Variants in COG3 observed in about 807,000 individuals in gnomAD.
COG3 encodes conserved oligomeric Golgi complex subunit 3.
A neutral mutation model predicts 114.1 loss-of-function variants in COG3; 32 were observed. The ratio of observed to expected loss-of-function variants is 0.28; its 90% confidence interval spans 0.21 to 0.38. The LOEUF is 0.38. COG3 is among the 10% of genes least tolerant of loss of function. The probability of loss-of-function intolerance (pLI) is 1.00; values close to 1 mark genes in which losing one functional copy is unlikely to be tolerated. For synonymous variants in COG3, 352 were observed against 365.7 expected, an observed-to-expected ratio of 0.96 and a Z score of 0.43; for missense variants, 813 against 973.2, an observed-to-expected ratio of 0.84 and a Z score of 2.19.
intron 19 of COG3, among the ~76,000 whole-genome samples, chr13:45,522,119 A>G (rs1397877358): frequency 1.3e-5 from 2 of 152,154 alleles, no homozygotes; most frequent in Non-Finnish European, 2.9e-5. Flanking sequence ...TTAGCATTTT[A>G]TAATGCTTGT....
chr13:45,496,743 G>A (rs922475794), intron 13 of COG3, among the ~76,000 whole-genome samples: 3 of 150,834 alleles, frequency 2.0e-5, no homozygotes, highest in East Asian at 3.9e-4. Flanking sequence ...GTGTGATCTC[G>A]GCTCACTGCA....
Position 45,476,338 on chromosome 13 carries a change from C to T in COG3, c.312C>T (p.Thr104=), listed in dbSNP as rs747823023. 1.2e-5 allele frequency: 20 copies of T among 1,612,136 alleles called. No homozygotes were observed. Among genetic ancestry groups the T allele is most frequent in the African/African-American group, 8.0e-5 (6 of 74,864 alleles). ...SLGMEEERIE[T]AQQFFSWFAK... ...GAATGGAAGAAGAAAGAATTGAAACCGCACAGCAGGTGAATTGCAGTATCT... is the reference window on the plus strand; with the variant it reads ...GAATGGAAGAAGAAAGAATTGAAACTGCACAGCAGGTGAATTGCAGTATCT... The change falls in exon 2 of 23, where the codon ACC becomes ACT. Residue 104 remains threonine (T), a synonymous_variant. Coordinates refer to ENST00000349995, the MANE Select transcript of COG3 (RefSeq NM_031431.4).
intron 4 of COG3, 122 bp downstream of exon 4, chr13:45,480,412 T>G: frequency 1.5e-6 from 1 of 665,430 alleles, no homozygotes; most frequent in Non-Finnish European, 2.4e-6. Flanking sequence ...TTTGAGGCCC[T>G]GTGCTCAGCA....
intron 1 of COG3, among the ~76,000 whole-genome samples, chr13:45,472,975 T>G (rs1885617378): frequency 6.6e-6 from 1 of 152,142 alleles, no homozygotes; most frequent in Non-Finnish European, 1.5e-5. Flanking sequence ...GTTCATGCCA[T>G]TCTCCTGCCT....
rs1873459451 is a variant in COG3, at chr13:45,535,024, G to T, written c.*293G>T. 3 of 1,166,298 alleles carry T rather than the reference G, an allele frequency of 2.6e-6. No individual in the cohort carries two copies. Among genetic ancestry groups the T allele is most frequent in the Middle Eastern group, 6.9e-4 (2 of 2,900 alleles). The allele number at this position is 1,166,298 out of a possible 1,614,324, so 72.2% of individuals were successfully genotyped here. On this transcript the variant is annotated 3_prime_UTR_variant, in exon 23 of 23. Transcript: ENST00000349995. ...GCTAGGGCAGACATGCAGTGAAATG[G>T]TTCTTTGTTAAAAATGTGCAATAAA... is the stretch of plus-strand genomic sequence containing the variant.
rs1431334636 is a variant in COG3 at position 45,509,770 on chromosome 13, T to C, written c.1673T>C (p.Val558Ala). 1.2e-6 allele frequency: 2 copies of C among 1,613,958 alleles called. No individual in the cohort carries two copies. Among genetic ancestry groups the C allele is most frequent in the Admixed American group, 1.7e-5 (1 of 60,026 alleles). ...ADLHGMWYPTVRRTLVCLSKL... is the reference protein window; with the variant it reads ...ADLHGMWYPTARRTLVCLSKL... ...CTTCATGGAATGTGGTATCCTACGG[T>C]TCGAAGAACTCTTGTCTGTCTCTCC... The change falls in exon 15 of 23, where the codon GTT becomes GCT. Residue 558 changes from valine (V) to alanine (A), a missense_variant. Coordinates refer to ENST00000349995, the MANE Select transcript of COG3 (RefSeq NM_031431.4).
chr13:45,494,247 C>T (rs983793370), intron 12 of COG3, among the ~76,000 whole-genome samples: 9 of 151,488 alleles, frequency 5.9e-5, no homozygotes, highest in Non-Finnish European at 1.0e-4. Flanking sequence ...ATTGCTGGAA[C>T]CTGGGAGGGG....
Position 45,511,305 on chromosome 13 carries a change from G to A in COG3, c.1720-460G>A, listed in dbSNP as rs74070424. 4.6e-3 allele frequency among the ~76,000 whole-genome samples: 700 copies of A among 152,156 alleles called. 7 individuals are homozygous for A. Among genetic ancestry groups the A allele is most frequent in the African/African-American group, 0.016 (661 of 41,486 alleles). ...AACATTTATGTTATTTCCAGTTTAT[G>A]GCTGTTCTAAATAATACTGTAATGA... On this transcript the variant is annotated intron_variant, in intron 15 of 22. Transcript: ENST00000349995.
In COG3 at chr13:45,465,227, G is replaced by A. The variant is rs1274617961; in HGVS notation, c.174+17G>A. 6.2e-7 allele frequency: 1 copy of A among 1,611,548 alleles called. No individual in the cohort carries two copies. The highest frequency in any genetic ancestry group is 1.1e-5 in the South Asian group (1 of 90,974). ...CCAGCTGAGGTGAGGTGATGGGCAGGAACCGGGCCGGGGCGATGGGGCTGG... is the reference window on the plus strand; with the variant it reads ...CCAGCTGAGGTGAGGTGATGGGCAGAAACCGGGCCGGGGCGATGGGGCTGG... On this transcript the variant is annotated intron_variant, in intron 1 of 22. Coordinates refer to ENST00000349995, the MANE Select transcript of COG3 (RefSeq NM_031431.4).
intron 16 of COG3, among the ~76,000 whole-genome samples, chr13:45,512,982 C>T (rs1871038103): frequency 1.4e-5 from 1 of 71,048 alleles, no homozygotes; most frequent in Admixed American, 2.1e-4. Context: ...TCCCACAGAC[C>T]CTGAGATTTT....
chr13:45,484,010 A>T (rs1886415460), intron 7 of COG3, among the ~76,000 whole-genome samples: 1 of 152,228 alleles, frequency 6.6e-6, no homozygotes, highest in African/African-American at 2.4e-5. Context: ...TGGAAAATTA[A>T]CAGAGTGTAA....
intron 1 of COG3, among the ~76,000 whole-genome samples, chr13:45,467,134 G>A (rs148001596): frequency 6.6e-6 from 1 of 152,344 alleles, no homozygotes; most frequent in Non-Finnish European, 1.5e-5. Flanking sequence ...GGTGAGAACT[G>A]ATGATGGACT....
At chr13:45,495,588 T>C (rs1156984673) in intron 12 of COG3, among the ~76,000 whole-genome samples, 1 of 151,916 alleles carries the variant, frequency 6.6e-6, no homozygotes, top group Non-Finnish European at 1.5e-5. Context: ...GTTGCTCAGG[T>C]TGGCTGATCT....
In COG3 at chr13:45,535,501, G is replaced by A. The variant is rs933625532; in HGVS notation, c.*770G>A. 2.0e-6 allele frequency: 2 copies of A among 985,416 alleles called. No homozygotes were observed. The highest frequency in any genetic ancestry group is 3.5e-5 in the African/African-American group (2 of 57,236). 61.0% of individuals were successfully genotyped at this position (985,416 alleles called of 1,614,324 possible). ...TTGTGAGTGCGAAGTACCAATTAAG[G>A]TGTCTTAAATTTGGCGCATAGAGGA... On this transcript the variant is annotated 3_prime_UTR_variant, in exon 23 of 23. Transcript: ENST00000349995.
Position 45,516,178 on chromosome 13 carries a change from C to T in COG3, c.1845C>T (p.His615=), listed in dbSNP as rs777881780. ...ATGGACAACTTTTCTTAATTAAGCA[C>T]CTTTTGATACTTCGTGAACAAATTG... The part of the protein sequence containing the change: ...QIDGQLFLIK[H]LLILREQIAP... Residue 615 remains histidine, a synonymous_variant, in exon 17 of 23, where the codon CAC becomes CAT. Coordinates refer to ENST00000349995, the MANE Select transcript of COG3 (RefSeq NM_031431.4). The T allele has an allele frequency of 7.5e-6, 12 of 1,597,942 alleles. No homozygotes were observed. In the South Asian group the frequency reaches 7.9e-5, roughly 10 times the overall value.
In COG3 at chr13:45,483,365, C is replaced by G; in HGVS notation, c.843+10C>G. 6.4e-7 allele frequency: 1 copy of G among 1,554,194 alleles called. No individual in the cohort carries two copies. The highest frequency in any genetic ancestry group is 8.7e-7 in the Non-Finnish European group (1 of 1,152,070). On this transcript the variant is annotated intron_variant, in intron 7 of 22. Transcript: ENST00000349995. ...TCAGTTACTGAAAAGGGTGAGTTAA[C>G]TGATCTCAACAACAGGTTTTTGTTA...
chr13:45,466,497 G>A (rs1566236523), intron 1 of COG3: 1 of 152,116 alleles, frequency 6.6e-6, no homozygotes, highest in East Asian at 1.9e-4. Context: ...TCTTTCTTGG[G>A]TTTCTTTTTC....
rs114181675 is a variant in COG3, at chr13:45,506,317, C to G, written c.1594+2968C>G. On this transcript the variant is annotated intron_variant, in intron 14 of 22. Transcript: ENST00000349995. ...GAGCAAATGGAGATAGAGGAGTAAA[C>G]TAAGCCCACCAAGAAAGAACAGCCA... 6.0e-3 allele frequency among the ~76,000 whole-genome samples: 906 copies of G among 152,058 alleles called. 9 individuals are homozygous for G. Among genetic ancestry groups the G allele is most frequent in the African/African-American group, 0.021 (860 of 41,484 alleles).
chr13:45,513,888 CAAT>C (rs749281657), intron 16 of COG3, among the ~76,000 whole-genome samples: 6 of 151,830 alleles, frequency 4.0e-5, no homozygotes, highest in East Asian at 1.9e-4. Context: ...AAAAATGAAA[CAAT>C]AAAATTTAAC....
Sources: gnomAD v4.1 joint callset for allele counts (sites outside exome capture counted in the v4.1 genomes callset) on GRCh38, gnomAD v4.1.1 for gene constraint, MANE v1.5 for transcripts, NCBI Gene and HGNC (gene_info 2026-07-23, HGNC 2026-07-21) for gene names.